The following KIAA1210 variants were observed in gnomAD, a reference collection of about 807,000 sequenced individuals.
KIAA1210 encodes acrosomal protein KIAA1210.
A neutral mutation model predicts 78.9 loss-of-function variants in KIAA1210; 48 were observed. The observed-to-expected ratio is 0.61, with a 90% confidence interval of 0.48 to 0.77. KIAA1210 has a LOEUF of 0.77. KIAA1210 is among the 30% of genes least tolerant of loss of function. The pLI, the probability that KIAA1210 is intolerant of heterozygous loss-of-function variation, is 0.00. For synonymous variants in KIAA1210, 406 were observed against 404.5 expected, an observed-to-expected ratio of 1.00 and a Z score of -0.04; for missense variants, 1,108 against 1,100.0, an observed-to-expected ratio of 1.01 and a Z score of -0.10.
intron 2 of KIAA1210, among the ~76,000 whole-genome samples, chrX:119,139,542 A>G (rs958483075): frequency 9.0e-6 from 1 of 111,352 alleles, no homozygotes; most frequent in Non-Finnish European, 1.9e-5. Flanking sequence ...ATACATGTTC[A>G]CTGTTATTGG....
upstream of KIAA1210, among the ~76,000 whole-genome samples, chrX:119,131,706 A>G (rs923809416): frequency 1.8e-5 from 2 of 112,329 alleles, no homozygotes; most frequent in Non-Finnish European, 3.8e-5. Context: ...CGAGGGCCAC[A>G]TGGCAGGGCA....
At chrX:119,082,602 A>C (rs1168712509) in intron 11 of KIAA1210, among the ~76,000 whole-genome samples, 1 of 112,557 alleles carries the variant, frequency 8.9e-6, no homozygotes, top group Non-Finnish European at 1.9e-5. Flanking sequence ...AATTAAAAAC[A>C]ATTGAATACC....
rs1927283199 is a variant in KIAA1210, at chrX:119,089,274, G to C, written c.1428C>G (p.Tyr476Ter). The change falls in exon 9 of 12, where the codon TAC becomes TAG. Residue 476 changes from tyrosine to a stop codon, truncating the protein, a stop_gained. Transcript: ENST00000691062. LOFTEE classifies it high-confidence loss of function. ...CAGCTCCAGAAGCTGCATCTTCATG[G>C]TATGGTTGTGGATCACTAACCATGG... ...DNSMVSDPQP[Y>*]HEDAASGAEK... 2.5e-6 allele frequency: 3 copies of C among 1,209,616 alleles called. No individual in the cohort carries two copies. The highest frequency in any genetic ancestry group is 3.4e-6 in the Non-Finnish European group (3 of 894,594).
At chrX:119,116,199 C>A (rs1928256338) in intron 3 of KIAA1210, among the ~76,000 whole-genome samples, 2 of 112,285 alleles carry the variant, frequency 1.8e-5, no homozygotes, top group African/African-American at 6.5e-5. Flanking sequence ...TTGCGACAGG[C>A]AGGGCTTCCC....
intron 2 of KIAA1210, among the ~76,000 whole-genome samples, chrX:119,119,991 A>G (rs1381750780): frequency 3.1e-5 from 2 of 65,126 alleles, no homozygotes; most frequent in South Asian, 9.0e-4. Context: ...AAAAAAAAAA[A>G]AAAAGAAAGA....
chrX:119,098,956 A>T (rs1362336949), intron 6 of KIAA1210, among the ~76,000 whole-genome samples: 1 of 112,093 alleles, frequency 8.9e-6, no homozygotes, highest in East Asian at 2.8e-4. Context: ...TTCCACCAGA[A>T]GTTGCCTTTC....
intron 7 of KIAA1210, among the ~76,000 whole-genome samples, chrX:119,094,466 T>C (rs1443523969): frequency 8.9e-6 from 1 of 112,360 alleles, no homozygotes; most frequent in Non-Finnish European, 1.9e-5. Flanking sequence ...AAGACAAACA[T>C]GTAACTCTTT....
upstream of KIAA1210, among the ~76,000 whole-genome samples, chrX:119,129,335 G>T (rs181857253): frequency 9.4e-4 from 104 of 110,999 alleles, 1 homozygote; most frequent in Non-Finnish European, 1.6e-3. Context: ...GCAAGTCACT[G>T]GGGGGTTTGG....
At position 119,081,160 on chromosome X, in the gene KIAA1210, G is replaced by A. The variant is rs182306116; in HGVS notation, c.*169C>T. The A allele has an allele frequency of 1.1e-3, 360 of 338,865 alleles. 1 individual carries two copies. The East Asian group carries it at 0.017, about 16-fold the overall frequency. 27.9% of individuals were successfully genotyped at this position (338,865 alleles called of 1,213,427 possible). ...CGGGCGCCTGTAGTCCCAGCTAGTC[G>A]GGAGACTGAGGCGGGAGAGTGGCGT... is the stretch of plus-strand genomic sequence containing the variant. On this transcript the variant is annotated 3_prime_UTR_variant, in exon 12 of 12. Transcript: ENST00000691062.
At chrX:119,126,395 A>T (rs963874003) in intron 1 of KIAA1210, among the ~76,000 whole-genome samples, 1 of 112,416 alleles carries the variant, frequency 8.9e-6, no homozygotes, top group Non-Finnish European at 1.9e-5. Context: ...GTTCCCCACA[A>T]TTCCCCCTCA....
intron 1 of KIAA1210, among the ~76,000 whole-genome samples, chrX:119,148,055 A>T (rs567052812): frequency 1.8e-5 from 2 of 111,446 alleles, no homozygotes; most frequent in African/African-American, 6.5e-5. Flanking sequence ...CAGGAGGATC[A>T]CTTGAGCCCA....
chrX:119,128,602 A>C (rs886935740), upstream of KIAA1210, among the ~76,000 whole-genome samples: 1 of 111,930 alleles, frequency 8.9e-6, no homozygotes, highest in Non-Finnish European at 1.9e-5. Flanking sequence ...CCCAGAGAGC[A>C]CGTCCATGAT....
intron 3 of KIAA1210, among the ~76,000 whole-genome samples, chrX:119,115,202 T>C (rs776725716): frequency 9.0e-6 from 1 of 111,182 alleles, no homozygotes; most frequent in South Asian, 3.9e-4. Context: ...GTTATATTAT[T>C]TGAATTTCCT....
intron 3 of KIAA1210, among the ~76,000 whole-genome samples, chrX:119,114,597 C>T (rs750747411): frequency 1.8e-5 from 2 of 112,471 alleles, no homozygotes; most frequent in Non-Finnish European, 3.8e-5. Flanking sequence ...GGTTCAGAAC[C>T]AGTGTAGCAT....
chrX:119,125,735 A>ATATATATATATATATATATATAT (rs5903546), intron 1 of KIAA1210, among the ~76,000 whole-genome samples: 3 of 15,794 alleles, frequency 1.9e-4, no homozygotes, highest in Admixed American at 1.4e-3. Context: ...ATATATATAT[A>ATATATATATATATATATATATAT]TTTTTTTTTT....
At position 119,093,703 on chromosome X, in the gene KIAA1210, C is replaced by G; in HGVS notation, c.919G>C (p.Glu307Gln). 3.3e-6 allele frequency: 4 copies of G among 1,209,875 alleles called. No homozygotes were observed. Among genetic ancestry groups the G allele is most frequent in the Non-Finnish European group, 4.5e-6 (4 of 894,562 alleles). ...ATTCCCAGCTTCTTTTCGTTGATTT[C>G]TTTTGGTTTGGTTATGCTCTTTTCT... ...EEEKSITKPK[E>Q]INEKKLGMDS... The change falls in exon 8 of 12, where the codon GAA becomes CAA. Residue 307 changes from glutamate to glutamine, a missense_variant. By Grantham distance (29) the Glu-to-Gln change is conservative (BLOSUM62 2). This residue lies in a region of KIAA1210 where 672 missense variants were observed against 607.1 expected (regional missense o/e 1.11). Coordinates refer to ENST00000691062, the MANE Select transcript of KIAA1210 (RefSeq NM_001394962.1).
chrX:119,132,842 C>T (rs1928825615), intron 2 of KIAA1210, among the ~76,000 whole-genome samples: 1 of 111,507 alleles, frequency 9.0e-6, no homozygotes, highest in Admixed American at 9.5e-5. Context: ...TGCTATGTTG[C>T]CCAGGCTGGT....
chrX:119,124,806 T>G (rs1196650404), intron 1 of KIAA1210, among the ~76,000 whole-genome samples: 1 of 110,421 alleles, frequency 9.1e-6, no homozygotes, highest in East Asian at 2.8e-4. Context: ...GGAGGATCAC[T>G]TGAACCCAGG....
intron 2 of KIAA1210, among the ~76,000 whole-genome samples, chrX:119,144,331 A>G (rs1249262723): frequency 8.9e-6 from 1 of 112,179 alleles, no homozygotes; most frequent in Non-Finnish European, 1.9e-5. Context: ...TTACATTCCA[A>G]ATTTAAGACA....
Sources: gnomAD v4.1 joint callset for allele counts (sites outside exome capture counted in the v4.1 genomes callset) on GRCh38, gnomAD v4.1.1 for gene constraint, gnomAD v4.1.1 regional missense constraint, MANE v1.5 for transcripts, NCBI Gene and HGNC (gene_info 2026-07-23, HGNC 2026-07-21) for gene names.